GBF1: variants seen among roughly 807,000 people sequenced by gnomAD.
GBF1 encodes the protein golgi brefeldin A resistant guanine nucleotide exchange factor 1.
GBF1 carries 114 observed loss-of-function variants against 210.5 expected under a neutral mutation model. The observed-to-expected ratio is 0.54, with a 90% CI of 0.47 to 0.63. The LOEUF is 0.63. Ranked by LOEUF, GBF1 falls within the 30% of genes least tolerant of loss-of-function variation. GBF1 has a pLI of 0.00. For synonymous variants in GBF1, 850 were observed against 889.2 expected (o/e 0.96, Z 0.78); for missense variants, 1,851 against 2,357.7 (o/e 0.79, Z 4.45).
At chr10:102,279,003 A>G (rs1325044342) in intron 3 of GBF1, among the ~76,000 whole-genome samples, 1 of 152,182 alleles carries the variant, frequency 6.6e-6, no homozygotes, top group Non-Finnish European at 1.5e-5. Context: ...CTAATACCTA[A>G]CATACATTGA....
rs1465527771 is a variant in GBF1, at chr10:102,362,366, T to C, written c.1687-109T>C. On this transcript the variant is annotated intron_variant, in intron 14 of 39. Transcript: ENST00000369983. Reference sequence around the variant, plus strand: ...CCACCACGCCCGGCCAGAAAGACGTTTTCTAAGGGCAATGTACAAGTTAGA... The same window carrying C: ...CCACCACGCCCGGCCAGAAAGACGTCTTCTAAGGGCAATGTACAAGTTAGA... 7 of 815,128 alleles carry C rather than the reference T, an allele frequency of 8.6e-6. No homozygotes were observed. In the African/African-American group the frequency reaches 1.0e-4, roughly 12 times the overall value. The allele number at this position is 815,128 out of a possible 1,614,324, so 50.5% of individuals were successfully genotyped here. A position where few individuals can be genotyped will look rare whatever the true frequency, so the allele number is the denominator to read the frequency against.
At chr10:102,268,548 A>T (rs1282193360) in intron 3 of GBF1, among the ~76,000 whole-genome samples, 1 of 152,050 alleles carries the variant, frequency 6.6e-6, no homozygotes, top group Non-Finnish European at 1.5e-5. Flanking sequence ...CCAACTTACC[A>T]TGACAGCAGT....
At chr10:102,331,798 C>T (rs974542185) in intron 3 of GBF1, among the ~76,000 whole-genome samples, 4 of 151,376 alleles carry the variant, frequency 2.6e-5, no homozygotes, top group Non-Finnish European at 4.4e-5. Flanking sequence ...CCACCCCACA[C>T]GTCAGCCTCC....
rs568627679 is a variant in GBF1, at chr10:102,326,416, G to T, written c.164-17635G>T. On this transcript the variant is annotated intron_variant, in intron 3 of 39. Transcript: ENST00000369983. ...GCTGGCTGTTGAGTCTCTGCTCCCA[G>T]ACTGGTGAGTTGGGAAGCAAACTTG... 3.7e-4 allele frequency among the ~76,000 whole-genome samples: 57 copies of T among 152,312 alleles called. No individual in the cohort carries two copies. The South Asian group carries it at 0.011, about 29-fold the overall frequency.
At chr10:102,292,955 A>G (rs182654408) in intron 3 of GBF1, among the ~76,000 whole-genome samples, 5 of 152,290 alleles carry the variant, frequency 3.3e-5, no homozygotes, top group Non-Finnish European at 7.4e-5. Flanking sequence ...GTAAGTTTCT[A>G]TTGGGCATTT....
intron 3 of GBF1, among the ~76,000 whole-genome samples, chr10:102,261,732 G>A (rs983311110): frequency 2.0e-5 from 3 of 148,370 alleles, no homozygotes; most frequent in Non-Finnish European, 3.0e-5. Context: ...AGCGATTTTC[G>A]TGCCTCAGCC....
In GBF1 at chr10:102,366,759, G is replaced by A. The variant is rs1320758145; in HGVS notation, c.2433+253G>A. 4.0e-5 allele frequency among the ~76,000 whole-genome samples: 6 copies of A among 151,884 alleles called. No homozygotes were observed. The highest frequency in any genetic ancestry group is 3.9e-4 in the Admixed American group (6 of 15,240). Reference sequence around the variant, plus strand: ...CTGCCACCAAGCCTGGCTAATTTTTGTATTTTTAGTAGAGATGGGTTTTGC... The same window carrying A: ...CTGCCACCAAGCCTGGCTAATTTTTATATTTTTAGTAGAGATGGGTTTTGC... On this transcript the variant is annotated intron_variant, in intron 19 of 39. Transcript: ENST00000369983. The surrounding 1 kb of genome is among the most constrained non-coding windows in gnomAD (Gnocchi z 4.0).
intron 4 of GBF1, among the ~76,000 whole-genome samples, chr10:102,348,489 T>C (rs1355895765): frequency 6.6e-6 from 1 of 152,226 alleles, no homozygotes; most frequent in Non-Finnish European, 1.5e-5. Flanking sequence ...TATTCACTTA[T>C]CTCTGAAATG....
chr10:102,380,640 T>C lies in GBF1; in HGVS notation c.5127T>C (p.Phe1709=). 2 of 1,613,940 alleles carry C rather than the reference T, an allele frequency of 1.2e-6. No homozygotes were observed. Among genetic ancestry groups the C allele is most frequent in the Middle Eastern group, 1.6e-4 (1 of 6,062 alleles). The change falls in exon 38 of 40, where the codon TTT becomes TTC. Residue 1709 remains phenylalanine (F), a synonymous_variant. Coordinates refer to ENST00000369983, the MANE Select transcript of GBF1 (RefSeq NM_001377137.1). ...TCACCTGGGAACGCATTGACTGTTT[T>C]CTCCCTCACCTACGAGATGAACTCT... ...WEITWERIDC[F]LPHLRDELFK...
At position 102,366,300 on chromosome 10, in the gene GBF1, T is replaced by C. The variant is rs2059909059; in HGVS notation, c.2310-83T>C. ...TCAGCCTCCTCTCTTCCAGTAAGAG[T>C]AGGTTAGGAGGACAGTGACTAAAAG... On this transcript the variant is annotated intron_variant, in intron 18 of 39. Coordinates refer to ENST00000369983, the MANE Select transcript of GBF1 (RefSeq NM_001377137.1). The surrounding 1 kb of genome is among the most constrained non-coding windows in gnomAD (Gnocchi z 4.0). 6.9e-7 allele frequency: 1 copy of C among 1,454,486 alleles called. No homozygotes were observed. Among genetic ancestry groups the C allele is most frequent in the Admixed American group, 1.7e-5 (1 of 57,170 alleles). 90.1% of individuals were successfully genotyped at this position (1,454,486 alleles called of 1,614,324 possible). A position where few individuals can be genotyped will look rare whatever the true frequency, so the allele number is the denominator to read the frequency against.
intron 3 of GBF1, among the ~76,000 whole-genome samples, chr10:102,319,571 C>T (rs1050124693): frequency 6.6e-6 from 1 of 152,128 alleles, no homozygotes; most frequent in African/African-American, 2.4e-5. Flanking sequence ...GAAACTCCTT[C>T]TCAGAGCCTC....
intron 3 of GBF1, among the ~76,000 whole-genome samples, chr10:102,298,882 C>T (rs1002751594): frequency 1.3e-5 from 2 of 152,222 alleles, no homozygotes; most frequent in African/African-American, 4.8e-5. Context: ...TGACTATTCT[C>T]ATCCTCATTT....
rs766062792 is a variant in GBF1, at chr10:102,379,602, A to G, written c.4727A>G (p.His1576Arg). The change falls in exon 35 of 40, where the codon CAT becomes CGT. Residue 1576 changes from histidine (H) to arginine (R), a missense_variant. His to Arg is a conservative substitution (Grantham distance 29). This residue lies in a region of GBF1 where 967 missense variants were observed against 1,247.7 expected (regional missense o/e 0.78). Coordinates refer to ENST00000369983, the MANE Select transcript of GBF1 (RefSeq NM_001377137.1). ...TATCTGCAGCGAGCACTACTTGTAC[A>G]TGATCTGCAAAAGCTAGATGCCCTG... ...LTYLQRALLVHDLQKLDALEW... is the reference protein window; with the variant it reads ...LTYLQRALLVRDLQKLDALEW... The G allele has an allele frequency of 5.0e-6, 8 of 1,614,032 alleles. No homozygotes were observed. Among genetic ancestry groups the G allele is most frequent in the South Asian group, 2.2e-5 (2 of 91,090 alleles).
In GBF1 at chr10:102,368,269, C is replaced by T; in HGVS notation, c.2694C>T (p.Asn898=). ...PEEQTGLVRE[N]YVWNVLLHRG... ...AGCAGACAGGCTTGGTTCGGGAGAA[C>T]TATGTGTGGAATGTGCTGCTTCATC... Residue 898 remains asparagine, a synonymous_variant, in exon 22 of 40, where the codon AAC becomes AAT. Coordinates refer to ENST00000369983, the MANE Select transcript of GBF1 (RefSeq NM_001377137.1). 6.2e-7 allele frequency: 1 copy of T among 1,614,112 alleles called. No individual in the cohort carries two copies.
At chr10:102,311,050 A>G (rs753857986) in intron 3 of GBF1, among the ~76,000 whole-genome samples, 7 of 152,222 alleles carry the variant, frequency 4.6e-5, no homozygotes, top group Non-Finnish European at 1.0e-4. Context: ...CCCTTCCCAT[A>G]CAGTGATATA....
chr10:102,271,658 T>TA (rs1323532703), intron 3 of GBF1, among the ~76,000 whole-genome samples: 1 of 152,160 alleles, frequency 6.6e-6, no homozygotes, highest in African/African-American at 2.4e-5. Flanking sequence ...ACTAAAAGGA[T>TA]TAAAAGCTTG....
At chr10:102,290,790 C>A (rs1416817547) in intron 3 of GBF1, among the ~76,000 whole-genome samples, 1 of 152,224 alleles carries the variant, frequency 6.6e-6, no homozygotes, top group East Asian at 1.9e-4. Flanking sequence ...CAGGCGTGAG[C>A]CACCACACCC....
At chr10:102,280,683 C>A (rs540743168) in intron 3 of GBF1, among the ~76,000 whole-genome samples, 1 of 152,290 alleles carries the variant, frequency 6.6e-6, no homozygotes, top group African/African-American at 2.4e-5. Flanking sequence ...CATATTTTGT[C>A]TCACTTTACT....
intron 3 of GBF1, among the ~76,000 whole-genome samples, chr10:102,305,472 T>C (rs139471851): frequency 0.012 from 1,870 of 152,102 alleles, 33 homozygotes; most frequent in African/African-American, 0.043. Flanking sequence ...TAGCTGGGTA[T>C]GATGGCACGT....
Sources: gnomAD v4.1 joint callset for allele counts (sites outside exome capture counted in the v4.1 genomes callset) on GRCh38, gnomAD v4.1.1 for gene constraint, gnomAD v4.1.1 regional missense constraint, Gnocchi (gnomAD v3.1) non-coding constraint, MANE v1.5 for transcripts, NCBI Gene and HGNC (gene_info 2026-07-23, HGNC 2026-07-21) for gene names.